The following TNKS variants were observed in gnomAD, a reference collection of about 807,000 sequenced individuals.
TNKS encodes poly [ADP-ribose] polymerase tankyrase-1.
A neutral mutation model predicts 135.8 loss-of-function variants in TNKS; 72 were observed. The ratio of observed to expected loss-of-function variants is 0.53; its 90% confidence interval spans 0.44 to 0.64. The LOEUF (loss-of-function observed/expected upper bound fraction) is 0.64. Among genes scored for constraint, TNKS ranks in the 30% least tolerant of loss-of-function variants. TNKS has a pLI of 0.00. For synonymous variants in TNKS, 849 were observed against 649.3 expected (o/e 1.31, Z -4.68); for missense variants, 1,769 against 1,674.0 (o/e 1.06, Z -0.99).
chr8:9,705,813 T>G (rs1009606023), intron 6 of TNKS, among the ~76,000 whole-genome samples: 1 of 152,210 alleles, frequency 6.6e-6, no homozygotes, highest in Non-Finnish European at 1.5e-5. Flanking sequence ...TATTTGATTA[T>G]TTTGCTAGAA....
chr8:9,639,227 A>G (rs1800633147), intron 3 of TNKS, among the ~76,000 whole-genome samples: 1 of 152,164 alleles, frequency 6.6e-6, no homozygotes, highest in Non-Finnish European at 1.5e-5. Context: ...AATTCAGGAA[A>G]ACTCGTTTAT....
chr8:9,601,526 T>C (rs1295862678), intron 2 of TNKS, among the ~76,000 whole-genome samples: 1 of 152,168 alleles, frequency 6.6e-6, no homozygotes, highest in Non-Finnish European at 1.5e-5. Context: ...GAACTAAGAT[T>C]GAGATAATAC....
chr8:9,580,775 G>A (rs1563401204), intron 2 of TNKS, among the ~76,000 whole-genome samples: 1 of 152,114 alleles, frequency 6.6e-6, no homozygotes, highest in Admixed American at 6.5e-5. Flanking sequence ...AACTCATCTA[G>A]TATAGTAGTC....
rs114743351 is a variant in TNKS, at chr8:9,612,301, A to G, written c.899-3281A>G. Among the ~76,000 whole-genome samples, 1,304 of 152,330 alleles carry G rather than the reference A, an allele frequency of 8.6e-3. 17 individuals carry two copies. The highest frequency in any genetic ancestry group is 0.03 in the African/African-American group (1,234 of 41,562). ...ATTTTGAAACAACAGACATAGTTCT[A>G]AATACCTTCAGTTTCAGTTCTTATC... On this transcript the variant is annotated intron_variant, in intron 2 of 26. Coordinates refer to ENST00000310430, the MANE Select transcript of TNKS (RefSeq NM_003747.3).
In TNKS at chr8:9,702,568, A is replaced by C. The variant is rs147808737; in HGVS notation, c.1108-2095A>C. Among the ~76,000 whole-genome samples the C allele has an allele frequency of 1.4e-4, 22 of 152,348 alleles. No individual in the cohort carries two copies. The East Asian group carries it at 2.3e-3, about 16-fold the overall frequency. On this transcript the variant is annotated intron_variant, in intron 5 of 26. Transcript: ENST00000310430. ...TAACTAAACTTCATTATCCAGCAGA[A>C]GTATTCTTCTAAAATGAGAGTGAAG...
In TNKS at chr8:9,779,283, C is replaced by A. The variant is rs766237625; in HGVS notation, c.*2547C>A. The A allele has an allele frequency of 6.6e-6, 1 of 152,602 alleles. No individual in the cohort carries two copies. Among genetic ancestry groups the A allele is most frequent in the African/African-American group, 2.4e-5 (1 of 41,438 alleles). 9.5% of individuals were successfully genotyped at this position (152,602 alleles called of 1,614,324 possible). ...TTTTCATCTGTAGCCGTATGAAGAACCCTTTCCAATATAAAAGCATGGCAT... is the reference window on the plus strand; with the variant it reads ...TTTTCATCTGTAGCCGTATGAAGAAACCTTTCCAATATAAAAGCATGGCAT... On this transcript the variant is annotated 3_prime_UTR_variant, in exon 27 of 27. Coordinates refer to ENST00000310430, the MANE Select transcript of TNKS (RefSeq NM_003747.3).
chr8:9,603,332 G>T (rs1370473776), intron 2 of TNKS, among the ~76,000 whole-genome samples: 1 of 138,418 alleles, frequency 7.2e-6, no homozygotes, highest in Non-Finnish European at 1.6e-5. Flanking sequence ...TGGGATTACA[G>T]GCATGAGCCA....
At chr8:9,684,212 T>G (rs573687160) in intron 5 of TNKS, among the ~76,000 whole-genome samples, 1 of 152,156 alleles carries the variant, frequency 6.6e-6, no homozygotes, top group East Asian at 1.9e-4. Flanking sequence ...TATTCCTTTA[T>G]TTTCAAACTT....
intron 3 of TNKS, among the ~76,000 whole-genome samples, chr8:9,636,000 C>T (rs889802455): frequency 6.6e-6 from 1 of 152,144 alleles, no homozygotes; most frequent in Non-Finnish European, 1.5e-5. Context: ...ACCAGTGTTA[C>T]TTGAATTTAA....
At chr8:9,636,485 T>C (rs192192177) in intron 3 of TNKS, among the ~76,000 whole-genome samples, 1 of 152,314 alleles carries the variant, frequency 6.6e-6, no homozygotes, top group East Asian at 1.9e-4. Flanking sequence ...TTGATGGTCT[T>C]TTCTATTGAT....
At chr8:9,696,016 G>C (rs1803498969) in intron 5 of TNKS, among the ~76,000 whole-genome samples, 1 of 152,168 alleles carries the variant, frequency 6.6e-6, no homozygotes, top group African/African-American at 2.4e-5. Flanking sequence ...TAGGCAGTTG[G>C]ATTATAGCAT....
intron 18 of TNKS, 53 bp downstream of exon 18, chr8:9,748,265 C>T (rs1259475281): frequency 7.4e-7 from 1 of 1,345,368 alleles, no homozygotes; most frequent in Non-Finnish European, 9.7e-7. Context: ...TCACAGATGA[C>T]ATCAGATTCT....
chr8:9,556,296 C>G lies in TNKS; in HGVS notation c.357C>G (p.Asn119Lys). Residue 119 changes from asparagine to lysine, a missense_variant, in exon 1 of 27, where the codon AAC (asparagine) becomes AAG (lysine). Asn to Lys is a moderately conservative substitution (Grantham distance 94). Around this residue, in one of 5 missense-constraint regions of TNKS, gnomAD observed 450 missense variants for 304.9 expected, o/e 1.48. Transcript: ENST00000310430. The stretch of plus-strand genomic sequence containing the variant: ...CATCTGCCGCTGGGGTCGCTCCCAA[C>G]CCAGCCGGCAGTGGCAGTAACAATT... ...STSSAAGVAP[N>K]PAGSGSNNSP... is the part of the protein sequence containing the mutation. 1.2e-6 allele frequency: 2 copies of G among 1,614,238 alleles called. No homozygotes were observed. Among genetic ancestry groups the G allele is most frequent in the African/African-American group, 1.3e-5 (1 of 75,058 alleles).
In TNKS at chr8:9,603,346, C is replaced by T. The variant is rs552466534; in HGVS notation, c.899-12236C>T. On this transcript the variant is annotated intron_variant, in intron 2 of 26. Coordinates refer to ENST00000310430, the MANE Select transcript of TNKS (RefSeq NM_003747.3). ...CTGGGATTACAGGCATGAGCCACCA[C>T]GCCTGACCTTAACTATGATTTTTAA... 9.2e-5 allele frequency among the ~76,000 whole-genome samples: 14 copies of T among 152,234 alleles called. No homozygotes were observed. In the East Asian group the frequency reaches 1.9e-3, roughly 21 times the overall value.
intron 3 of TNKS, among the ~76,000 whole-genome samples, chr8:9,659,343 CT>C (rs1162547135): frequency 2.6e-5 from 4 of 152,152 alleles, no homozygotes; most frequent in African/African-American, 9.7e-5. Flanking sequence ...AAGTAAAACA[CT>C]CCTCAGCAAA....
At position 9,615,653 on chromosome 8, in the gene TNKS, C is replaced by T. The variant is rs1234325071; in HGVS notation, c.970C>T (p.Pro324Ser). ...GAAATCAGCCCTGGACCTGGCAGAT[C>T]CTTCAGCAAAAGCTGTCCTTACAGG... Reference protein sequence around the residue: ...DGKSALDLADPSAKAVLTGEY... With the variant: ...DGKSALDLADSSAKAVLTGEY... The change falls in exon 3 of 27, where the codon CCT (proline) becomes TCT (serine). Residue 324 changes from proline (P) to serine (S), a missense_variant. This residue lies in a region of TNKS where 523 missense variants were observed against 541.0 expected (regional missense o/e 0.97). Coordinates refer to ENST00000310430, the MANE Select transcript of TNKS (RefSeq NM_003747.3). 2 of 1,612,954 alleles carry T rather than the reference C, an allele frequency of 1.2e-6. No homozygotes were observed. Among genetic ancestry groups the T allele is most frequent in the African/African-American group, 1.3e-5 (1 of 74,894 alleles).
At chr8:9,611,839 C>A (rs1310099388) in intron 2 of TNKS, among the ~76,000 whole-genome samples, 1 of 152,160 alleles carries the variant, frequency 6.6e-6, no homozygotes, top group Non-Finnish European at 1.5e-5. Flanking sequence ...TGTCTGATAA[C>A]CTTCAGTGCT....
intron 3 of TNKS, among the ~76,000 whole-genome samples, chr8:9,662,423 G>T (rs913602167): frequency 8.5e-5 from 13 of 152,048 alleles, no homozygotes; most frequent in African/African-American, 1.2e-4. Context: ...CCATAAAAAA[G>T]GATGAGTTCA....
chr8:9,676,301 C>T (rs773819150), intron 3 of TNKS, among the ~76,000 whole-genome samples: 1 of 152,162 alleles, frequency 6.6e-6, no homozygotes, highest in Non-Finnish European at 1.5e-5. Context: ...GTGTGAGCCA[C>T]CATGCCTGGC....
Sources: gnomAD v4.1 joint callset for allele counts (sites outside exome capture counted in the v4.1 genomes callset) on GRCh38, gnomAD v4.1.1 for gene constraint, gnomAD v4.1.1 regional missense constraint, MANE v1.5 for transcripts, NCBI Gene and HGNC (gene_info 2026-07-23, HGNC 2026-07-21) for gene names.